Variants in ACP3 observed in about 807,000 individuals in gnomAD.
ACP3 encodes the protein acid phosphatase 3, also known as prostatic acid phosphatase.
In ACP3, 38 loss-of-function variants were observed where a neutral mutation model predicts 45.6. That is an observed-to-expected ratio of 0.83 (90% CI 0.64 to 1.09). The LOEUF is 1.09. Among genes scored for constraint, ACP3 ranks in the 50% least tolerant of loss-of-function variants. The pLI is 0.00. For synonymous variants in ACP3, 162 were observed against 164.7 expected, an observed-to-expected ratio of 0.98 and a Z score of 0.13; for missense variants, 466 against 463.2, an observed-to-expected ratio of 1.01 and a Z score of -0.05.
downstream of ACP3, among the ~76,000 whole-genome samples, chr3:132,359,137 C>G (rs182656157): frequency 2.7e-4 from 41 of 152,210 alleles, no homozygotes; most frequent in African/African-American, 9.6e-4. Context: ...ACTGTGGGAA[C>G]AAGAGTTATC....
chr3:132,342,480 G>A (rs2107806841), intron 5 of ACP3, 72 bp from the exon 6 acceptor site: 1 of 1,086,758 alleles, frequency 9.2e-7, no homozygotes, highest in Middle Eastern at 2.0e-4. Context: ...ACAATTGTCT[G>A]GCCCAAAATA....
At chr3:132,342,321 C>T (rs904589581) in intron 5 of ACP3, among the ~76,000 whole-genome samples, 5 of 152,080 alleles carry the variant, frequency 3.3e-5, no homozygotes, top group Admixed American at 1.3e-4. Flanking sequence ...TCAACAGGGG[C>T]GCATTTGCCT....
Position 132,349,901 on chromosome 3 carries a change from T to C in ACP3, c.782-19T>C, listed in dbSNP as rs376501938. The C allele has an allele frequency of 7.0e-6, 11 of 1,573,054 alleles. No homozygotes were observed. In the African/African-American group the frequency reaches 1.5e-4, roughly 21 times the overall value. On this transcript the variant is annotated intron_variant, in intron 7 of 9. Transcript: ENST00000336375. ...GCTTATGTTTGGTTCAGTTTGGTTA[T>C]TGATTCATCTTCTTTAAGGTGTCCT...
At chr3:132,365,415 T>C (rs903309114) in intron 10 of ACP3, among the ~76,000 whole-genome samples, 1 of 152,132 alleles carries the variant, frequency 6.6e-6, no homozygotes, top group African/African-American at 2.4e-5. Flanking sequence ...CAGGCCATGA[T>C]AACAGGTATA....
chr3:132,364,364 A>T lies in ACP3; in HGVS notation c.1139-3340A>T, dbSNP rs184027693. Among the ~76,000 whole-genome samples the T allele has an allele frequency of 2.0e-5, 3 of 151,872 alleles. No homozygotes were observed. The East Asian group carries it at 5.9e-4, about 30-fold the overall frequency. ...CCCTATCTCAAAAAACAAAAACAAA[A>T]ACAAAAACAAACTGGCCCCCCATTT... On this transcript the variant is annotated intron_variant, in intron 10 of 10. Coordinates refer to the ACP3 transcript ENST00000351273.
rs756608663 is a variant in ACP3, at chr3:132,356,912, C to T, written c.*34C>T. 1.3e-6 allele frequency: 2 copies of T among 1,581,006 alleles called. No homozygotes were observed. Among genetic ancestry groups the T allele is most frequent in the East Asian group, 2.3e-5 (1 of 44,028 alleles). ...GAGATCTCTGTAGAAGGAGTAGCTG[C>T]CCTTTCTCAGGGCAGATGATGCTTT... On this transcript the variant is annotated 3_prime_UTR_variant, in exon 10 of 10. Coordinates refer to ENST00000336375, the MANE Select transcript of ACP3 (RefSeq NM_001099.5).
At chr3:132,344,320 C>T (rs1274368352) in intron 6 of ACP3, among the ~76,000 whole-genome samples, 1 of 150,164 alleles carries the variant, frequency 6.7e-6, no homozygotes, top group Non-Finnish European at 1.5e-5. Flanking sequence ...GTGGCATGCA[C>T]CTATAGTCCC....
intron 6 of ACP3, 48 bp downstream of exon 6, chr3:132,342,692 T>C (rs370686017): frequency 2.6e-6 from 3 of 1,140,258 alleles, no homozygotes; most frequent in Non-Finnish European, 3.8e-6. Context: ...GATTTTATGA[T>C]TTATGCTTAT....
chr3:132,344,177 C>T (rs1044606958), intron 6 of ACP3, among the ~76,000 whole-genome samples: 4 of 151,190 alleles, frequency 2.6e-5, no homozygotes, highest in Admixed American at 2.0e-4. Context: ...ACTCGGGAGG[C>T]TGAGGCAAGA....
chr3:132,360,678 C>G (rs1426693219), downstream of ACP3, among the ~76,000 whole-genome samples: 4 of 152,160 alleles, frequency 2.6e-5, no homozygotes, highest in Non-Finnish European at 5.9e-5. Context: ...TTCACTAGTG[C>G]TCTCCCACCC....
chr3:132,343,153 G>C (rs1937570562), intron 6 of ACP3, among the ~76,000 whole-genome samples: 1 of 152,120 alleles, frequency 6.6e-6, no homozygotes, highest in Non-Finnish European at 1.5e-5. Flanking sequence ...GATAAATTAC[G>C]ATTGCTTTTC....
chr3:132,347,591 C>T (rs1298845899), intron 7 of ACP3, among the ~76,000 whole-genome samples: 1 of 151,756 alleles, frequency 6.6e-6, no homozygotes, highest in Non-Finnish European at 1.5e-5. Context: ...GCGATCCTCC[C>T]ACCTCAGACT....
chr3:132,346,676 C>G (rs1463331956), intron 7 of ACP3, among the ~76,000 whole-genome samples: 1 of 152,200 alleles, frequency 6.6e-6, no homozygotes, highest in Non-Finnish European at 1.5e-5. Context: ...CATAAGCACT[C>G]AGCCTCATTT....
intron 5 of ACP3, among the ~76,000 whole-genome samples, chr3:132,340,175 C>T (rs567839286): frequency 6.6e-6 from 1 of 152,046 alleles, no homozygotes; most frequent in East Asian, 1.9e-4. Context: ...ATTAGCCAGG[C>T]GTGGTGGCAG....
At chr3:132,318,578 A>G (rs1166586329) in intron 1 of ACP3, among the ~76,000 whole-genome samples, 2 of 151,968 alleles carry the variant, frequency 1.3e-5, no homozygotes, top group Non-Finnish European at 2.9e-5. Context: ...GCTTATTTGA[A>G]TCATTATTCT....
downstream of ACP3, among the ~76,000 whole-genome samples, chr3:132,362,573 A>G (rs1213388696): frequency 6.6e-6 from 1 of 152,216 alleles, no homozygotes; most frequent in African/African-American, 2.4e-5. Context: ...CAGCCCTAAC[A>G]GCAAAGTATG....
rs774280963 is a variant in ACP3 at position 132,345,007 on chromosome 3, C to G, written c.729C>G (p.Leu243=). ...TKLRELSELS[L]LSLYGIHKQK... is the part of the protein sequence containing the mutation. The stretch of plus-strand genomic sequence containing the variant: ...TGAGAGAATTGTCAGAATTGTCCCT[C>G]CTGTCCCTCTATGGAATTCACAAGC... Residue 243 remains leucine, a synonymous_variant, in exon 7 of 10, where the codon CTC becomes CTG. Coordinates refer to ENST00000336375, the MANE Select transcript of ACP3 (RefSeq NM_001099.5). The G allele has an allele frequency of 7.4e-6, 12 of 1,613,878 alleles. No homozygotes were observed. The East Asian group carries it at 2.5e-4, about 33-fold the overall frequency.
chr3:132,368,004 G>C, exon 11 of ACP3: 2 of 567,568 alleles, frequency 3.5e-6, no homozygotes, highest in Non-Finnish European at 6.3e-6. Context: ...GAACACTCAG[G>C]CTACCTAGGT....
chr3:132,367,861 C>T, exon 11 of ACP3: 3 of 1,376,770 alleles, frequency 2.2e-6, no homozygotes, highest in Non-Finnish European at 3.1e-6. Flanking sequence ...TCCTGTGACA[C>T]AGCATCTCTC....
Sources: allele counts gnomAD v4.1 joint callset (sites outside exome capture counted in the v4.1 genomes callset), GRCh38; gene constraint gnomAD v4.1.1; transcripts MANE v1.5; gene names NCBI Gene and HGNC (gene_info 2026-07-23, HGNC 2026-07-21).